The following PDE6B variants were observed in gnomAD, a reference collection of about 807,000 sequenced individuals.
PDE6B encodes phosphodiesterase 6B.
A neutral mutation model predicts 109.0 loss-of-function variants in PDE6B; 106 were observed. The ratio of observed to expected loss-of-function variants is 0.97; its 90% CI spans 0.83 to 1.14. PDE6B has a LOEUF of 1.14. Ranked by LOEUF, PDE6B falls within the 50% of genes most tolerant of loss-of-function variation. The pLI is 0.00. For missense variants in PDE6B, 1,193 were observed against 1,155.6 expected, an observed-to-expected ratio of 1.03 and a Z score of -0.47; for synonymous variants, 490 against 471.3, an observed-to-expected ratio of 1.04 and a Z score of -0.51.
At position 648,565 on chromosome 4, in the gene PDE6B, T is replaced by TGTCCCAGGC. The variant is rs1421771397; in HGVS notation, c.712-5287_712-5286insGTCCCAGGC. On this transcript the variant is annotated intron_variant, in intron 3 of 21. Coordinates refer to ENST00000496514, the MANE Select transcript of PDE6B (RefSeq NM_000283.4). This position sits in a 1 kb window ranked among gnomAD's most constrained non-coding sequence, Gnocchi z 4.5. ...GGCCCTCACCTGGACAATCAGGAAC[T>TGTCCCAGGC]ACCTTCTGTCCCAGGCACCCTCCAG... is the stretch of plus-strand genomic sequence containing the variant. Among the ~76,000 whole-genome samples the TGTCCCAGGC allele has an allele frequency of 6.6e-6, 1 of 152,184 alleles. No individual in the cohort carries two copies. The highest frequency in any genetic ancestry group is 1.5e-5 in the Non-Finnish European group (1 of 68,022).
Position 657,417 on chromosome 4 carries a change from G to T in PDE6B, c.1324G>T (p.Glu442Ter). The T allele has an allele frequency of 1.9e-6, 3 of 1,613,346 alleles. No homozygotes were observed. Among genetic ancestry groups the T allele is most frequent in the Non-Finnish European group, 2.5e-6 (3 of 1,179,848 alleles). ...CACCTACGACAAGATGAACAAGCTG[G>T]AGAACCGCAAGGACATCGCACAGGA... ...TDTYDKMNKL[E>*]NRKDIAQDMV... The change falls in exon 10 of 22, where the codon GAG (glutamate) becomes TAG (stop). Residue 442 changes from glutamate to a stop codon, truncating the protein, a stop_gained. Transcript: ENST00000496514. LOFTEE classifies it high-confidence loss of function.
At chr4:654,924 G>T in intron 6 of PDE6B, 36 bp downstream of exon 6, 1 of 1,193,014 alleles carries the variant, frequency 8.4e-7, no homozygotes, top group South Asian at 1.2e-5. Context: ...GTCCCCGGGG[G>T]AGGGACCGCC....
rs771338607 is a variant in PDE6B, at chr4:667,910, A to G, written c.2407A>G (p.Asn803Asp). The change falls in exon 21 of 22, where the codon AAT becomes GAT. Residue 803 changes from asparagine (N) to aspartate (D), a missense_variant. Asn to Asp is a conservative substitution (Grantham distance 23). Coordinates refer to ENST00000496514, the MANE Select transcript of PDE6B (RefSeq NM_000283.4). Reference sequence around the variant, plus strand: ...GCCCATGTTCGACCGACTGCAGAACAATAGGAAAGAGTGGAAGGCGCTGGC... The same window carrying G: ...GCCCATGTTCGACCGACTGCAGAACGATAGGAAAGAGTGGAAGGCGCTGGC... ...ILPMFDRLQN[N>D]RKEWKALADE... The G allele has an allele frequency of 1.2e-6, 2 of 1,613,652 alleles. No individual in the cohort carries two copies. Among genetic ancestry groups the G allele is most frequent in the South Asian group, 2.2e-5 (2 of 91,084 alleles).
rs1316203326 is a variant in PDE6B, at chr4:625,772, A to G, written c.146A>G (p.Asp49Gly). 6.2e-7 allele frequency: 1 copy of G among 1,613,398 alleles called. No homozygotes were observed. The highest frequency in any genetic ancestry group is 2.2e-5 in the East Asian group (1 of 44,868). The stretch of plus-strand genomic sequence containing the variant: ...CCGCCGGACTGCGACAGCCTCCGGG[A>G]CCTCTGCCAGGTGGAGGAGAGCACG... ...GCPPDCDSLR[D>G]LCQVEESTAL... is the part of the protein sequence containing the mutation. The change falls in exon 1 of 22, where the codon GAC becomes GGC. Residue 49 changes from aspartate to glycine, a missense_variant. Transcript: ENST00000496514. This position sits in a 1 kb window ranked among gnomAD's most constrained non-coding sequence, Gnocchi z 5.0.
In PDE6B at chr4:670,136, C is replaced by T; in HGVS notation, c.*29C>T. 1 of 1,611,776 alleles carries T rather than the reference C, an allele frequency of 6.2e-7. No individual in the cohort carries two copies. Among genetic ancestry groups the T allele is most frequent in the African/African-American group, 1.3e-5 (1 of 74,966 alleles). ...CTGGTCCCATGGGGACCCTATGGCTCCCTCAATCTTCACCCACTAGGATTT... is the reference window on the plus strand; with the variant it reads ...CTGGTCCCATGGGGACCCTATGGCTTCCTCAATCTTCACCCACTAGGATTT... On this transcript the variant is annotated 3_prime_UTR_variant, in exon 22 of 22. Coordinates refer to ENST00000496514, the MANE Select transcript of PDE6B (RefSeq NM_000283.4).
At chr4:639,977 G>A (rs925196851) in intron 3 of PDE6B, among the ~76,000 whole-genome samples, 16 of 151,974 alleles carry the variant, frequency 1.1e-4, no homozygotes, top group African/African-American at 2.9e-4. Flanking sequence ...CAGCCTGGGC[G>A]ACAGAGCGAG....
Position 663,812 on chromosome 4 carries a change from C to A in PDE6B, c.1963C>A (p.His655Asn), listed in dbSNP as rs751093662. 6.2e-7 allele frequency: 1 copy of A among 1,612,278 alleles called. No individual in the cohort carries two copies. The highest frequency in any genetic ancestry group is 1.1e-5 in the South Asian group (1 of 91,076). ...YQNLNRRQHE[H>N]VIHLMDIAII... ...GAACCTGAACCGGCGGCAGCACGAG[C>A]ACGTGATCCACCTGATGGACATCGC... Residue 655 changes from histidine (H) to asparagine (N), a missense_variant, in exon 16 of 22, where the codon CAC (histidine) becomes AAC (asparagine). Coordinates refer to ENST00000496514, the MANE Select transcript of PDE6B (RefSeq NM_000283.4). The surrounding 1 kb of genome is among the most constrained non-coding windows in gnomAD (Gnocchi z 4.0).
rs1009730232 is a variant in PDE6B at position 663,994 on chromosome 4, C to G, written c.2022-120C>G. On this transcript the variant is annotated intron_variant, in intron 16 of 21. Transcript: ENST00000496514. This position sits in a 1 kb window ranked among gnomAD's most constrained non-coding sequence, Gnocchi z 4.0. The stretch of plus-strand genomic sequence containing the variant: ...CAGCCCCGGATTCCGTCCCTGCCCG[C>G]CGGCCCCGCGCACCCCGGATGGGGC... The G allele has an allele frequency of 3.6e-6, 4 of 1,115,376 alleles. No homozygotes were observed. The Admixed American group carries it at 7.2e-5, about 20-fold the overall frequency. 69.1% of individuals were successfully genotyped at this position (1,115,376 alleles called of 1,614,324 possible).
intron 3 of PDE6B, among the ~76,000 whole-genome samples, chr4:640,373 TA>T (rs954353840): frequency 8.6e-5 from 13 of 151,748 alleles, no homozygotes; most frequent in East Asian, 5.8e-4. Context: ...CCATCTCTAC[TA>T]AAAAAAATAT....
intron 2 of PDE6B, among the ~76,000 whole-genome samples, chr4:635,143 T>C (rs1262227082): frequency 1.1e-4 from 9 of 83,056 alleles, no homozygotes; most frequent in Admixed American, 2.5e-4. Flanking sequence ...GTCTGCCTCC[T>C]TACCTGCCTG....
At chr4:668,027 TG>T in intron 21 of PDE6B, 21 bp downstream of exon 21, 1 of 1,606,862 alleles carries the variant, frequency 6.2e-7, no homozygotes, top group Non-Finnish European at 8.5e-7. Flanking sequence ...GTGTGGCCTG[TG>T]GGGCAGGGAC....
Position 665,155 on chromosome 4 carries a change from T to C in PDE6B, c.2194-100T>C. ...CTGTGTGGTGGGGACCCCGGGGGTC[T>C]GGGGCGGAGAAGACCGAGGCTCGGA... On this transcript the variant is annotated intron_variant, in intron 18 of 21. Transcript: ENST00000496514. This position sits in a 1 kb window ranked among gnomAD's most constrained non-coding sequence, Gnocchi z 4.0. The C allele has an allele frequency of 3.1e-6, 3 of 956,916 alleles. No homozygotes were observed. Among genetic ancestry groups the C allele is most frequent in the Non-Finnish European group, 5.1e-6 (3 of 593,956 alleles). 59.3% of individuals were successfully genotyped at this position (956,916 alleles called of 1,614,324 possible). A position where few individuals can be genotyped will look rare whatever the true frequency, so the allele number is the denominator to read the frequency against.
At chr4:645,444 C>T (rs1735154195) in intron 3 of PDE6B, among the ~76,000 whole-genome samples, 2 of 151,554 alleles carry the variant, frequency 1.3e-5, no homozygotes, top group South Asian at 2.1e-4. Flanking sequence ...TACAGGCGCC[C>T]GCCACCACGC....
rs747971172 is a variant in PDE6B at position 658,993 on chromosome 4, T to A, written c.1443T>A (p.Asp481Glu). The A allele has an allele frequency of 6.2e-7, 1 of 1,613,614 alleles. No homozygotes were observed. Among genetic ancestry groups the A allele is most frequent in the Non-Finnish European group, 8.5e-7 (1 of 1,179,814 alleles). Residue 481 changes from aspartate (D) to glutamate (E), a missense_variant, in exon 11 of 22, where the codon GAT (aspartate) becomes GAA (glutamate). Coordinates refer to ENST00000496514, the MANE Select transcript of PDE6B (RefSeq NM_000283.4). ...TGGGGAAGGAGCCTGCTGACTGCGATGAGGACGAGCTGGGCGAAATCCTGG... is the reference window on the plus strand; with the variant it reads ...TGGGGAAGGAGCCTGCTGACTGCGAAGAGGACGAGCTGGGCGAAATCCTGG... Reference protein sequence around the residue: ...ARLGKEPADCDEDELGEILKE... With the variant: ...ARLGKEPADCEEDELGEILKE...
chr4:640,759 G>A (rs1734911856), intron 3 of PDE6B, among the ~76,000 whole-genome samples: 1 of 152,178 alleles, frequency 6.6e-6, no homozygotes, highest in African/African-American at 2.4e-5. Context: ...TTGGCATGTG[G>A]AAGTCCAGTT....
chr4:627,678 C>T (rs1734181557), intron 1 of PDE6B, among the ~76,000 whole-genome samples: 1 of 145,320 alleles, frequency 6.9e-6, no homozygotes, highest in Admixed American at 6.8e-5. Flanking sequence ...CCTCCCTCCT[C>T]CCCTCACTCT....
chr4:661,860 G>T (rs528004309), intron 12 of PDE6B: 4 of 499,626 alleles, frequency 8.0e-6, no homozygotes, highest in East Asian at 3.7e-5. Flanking sequence ...CCAGGCAGTC[G>T]GATGGAGGCT....
In PDE6B at chr4:663,927, C is replaced by T. The variant is rs917133802; in HGVS notation, c.2021+57C>T. Reference sequence around the variant, plus strand: ...GGGCGGGCGGGTAGCCTGGGACCCCCGGCAGACACGGGGGCGCAGCGGCGG... The same window carrying T: ...GGGCGGGCGGGTAGCCTGGGACCCCTGGCAGACACGGGGGCGCAGCGGCGG... On this transcript the variant is annotated intron_variant, in intron 16 of 21. Coordinates refer to ENST00000496514, the MANE Select transcript of PDE6B (RefSeq NM_000283.4). This position sits in a 1 kb window ranked among gnomAD's most constrained non-coding sequence, Gnocchi z 4.0. The T allele has an allele frequency of 1.8e-5, 24 of 1,313,940 alleles. No homozygotes were observed. The highest frequency in any genetic ancestry group is 5.9e-5 in the Admixed American group (3 of 51,058). The allele number at this position is 1,313,940 out of a possible 1,614,324, so 81.4% of individuals were successfully genotyped here. A position where few individuals can be genotyped will look rare whatever the true frequency, so the allele number is the denominator to read the frequency against.
intron 1 of PDE6B, among the ~76,000 whole-genome samples, chr4:631,753 A>G (rs190699944): frequency 6.7e-6 from 1 of 149,498 alleles, no homozygotes; most frequent in Non-Finnish European, 1.5e-5. Flanking sequence ...GTGTGGGTCC[A>G]TGTGGCACCA....
Sources: gnomAD v4.1 joint callset for allele counts (sites outside exome capture counted in the v4.1 genomes callset) on GRCh38, gnomAD v4.1.1 for gene constraint, Gnocchi (gnomAD v3.1) non-coding constraint, MANE v1.5 for transcripts, NCBI Gene and HGNC (gene_info 2026-07-23, HGNC 2026-07-21) for gene names.